Variants in LONRF1 observed in about 807,000 individuals in gnomAD.
LONRF1 encodes LON peptidase N-terminal domain and ring finger 1.
In LONRF1, 37 loss-of-function variants were observed where a neutral mutation model predicts 85.8. That is an observed-to-expected ratio of 0.43 (90% CI 0.33 to 0.57). The LOEUF (loss-of-function observed/expected upper bound fraction) is 0.57, where lower values mean the gene tolerates loss of function less well. LONRF1 is among the 20% of genes least tolerant of loss of function. The pLI is 0.04. For missense variants in LONRF1, 1,036 were observed against 978.0 expected, an observed-to-expected ratio of 1.06 and a Z score of -0.79; for synonymous variants, 517 against 390.1, an observed-to-expected ratio of 1.33 and a Z score of -3.83.
At chr8:12,743,699 C>A (rs1458768365) in intron 1 of LONRF1, among the ~76,000 whole-genome samples, 1 of 151,956 alleles carries the variant, frequency 6.6e-6, no homozygotes, top group Admixed American at 6.6e-5. Context: ...AATAGCCATA[C>A]GTGTAACTAT....
chr8:12,731,608 C>T (rs1243525741), intron 8 of LONRF1, 128 bp downstream of exon 8: 2 of 742,642 alleles, frequency 2.7e-6, no homozygotes, highest in Admixed American at 6.2e-5. Flanking sequence ...TGTTGAGGAC[C>T]ACGGAAACAG....
intron 1 of LONRF1, among the ~76,000 whole-genome samples, chr8:12,744,488 A>C (rs893292495): frequency 3.9e-5 from 6 of 152,224 alleles, no homozygotes; most frequent in Non-Finnish European, 8.8e-5. Flanking sequence ...AAGAATTAAA[A>C]GTTCAATATG....
chr8:12,746,493 T>C (rs1028968417), intron 1 of LONRF1, among the ~76,000 whole-genome samples: 1 of 152,218 alleles, frequency 6.6e-6, no homozygotes, highest in Non-Finnish European at 1.5e-5. Flanking sequence ...CCTCCCAAGA[T>C]GCTTTGCTTT....
At chr8:12,725,602 G>A (rs1798266285) in intron 11 of LONRF1, 125 bp downstream of exon 11, 19 of 863,842 alleles carry the variant, frequency 2.2e-5, no homozygotes, top group Non-Finnish European at 3.4e-5. Context: ...GGTGGGGCTG[G>A]TGCGGGGGAG....
chr8:12,738,170 AG>A (rs1442470383), intron 3 of LONRF1, 26 bp from the exon 4 acceptor site: 1 of 1,375,898 alleles, frequency 7.3e-7, no homozygotes. Context: ...TAAAAGTAGT[AG>A]AAAATATAAA....
At chr8:12,726,348 A>C (rs970972436) in intron 10 of LONRF1, among the ~76,000 whole-genome samples, 1 of 152,210 alleles carries the variant, frequency 6.6e-6, no homozygotes, top group African/African-American at 2.4e-5. Context: ...GCACAGTTAC[A>C]TCTTTTACTA....
At position 12,723,274 on chromosome 8, in the gene LONRF1, T is replaced by G; in HGVS notation, c.2164-20A>C. ...GGCTGCCTAAAAACAATGGACAGTT[T>G]ATAGCATTAATAAAACAAGGATTTA... On this transcript the variant is annotated intron_variant, in intron 11 of 11. Transcript: ENST00000398246. The G allele has an allele frequency of 6.3e-7, 1 of 1,578,900 alleles. No homozygotes were observed. The highest frequency in any genetic ancestry group is 8.6e-7 in the Non-Finnish European group (1 of 1,167,888).
intron 1 of LONRF1, among the ~76,000 whole-genome samples, chr8:12,750,247 C>T (rs537664083): frequency 6.6e-6 from 1 of 152,256 alleles, no homozygotes; most frequent in Admixed American, 6.5e-5. Context: ...ACTATAATCA[C>T]CATACAGACA....
intron 6 of LONRF1, chr8:12,735,719 G>A (rs1196012084): frequency 5.0e-6 from 1 of 200,566 alleles, no homozygotes; most frequent in African/African-American, 2.3e-5. Context: ...TGCACTGAAT[G>A]TAAAATACAT....
At position 12,755,499 on chromosome 8, in the gene LONRF1, C is replaced by G. The variant is rs1025064210; in HGVS notation, c.-79G>C. The G allele has an allele frequency of 1.1e-5, 8 of 743,754 alleles. No individual in the cohort carries two copies. Among genetic ancestry groups the G allele is most frequent in the South Asian group, 6.0e-5 (1 of 16,708 alleles). 46.1% of individuals were successfully genotyped at this position (743,754 alleles called of 1,614,324 possible). On this transcript the variant is annotated 5_prime_UTR_variant, in exon 1 of 12. Transcript: ENST00000398246. ...CGGGCGCGCGGCTCCGCACGCGGCC[C>G]GCGAGCAGGGGGGCGTGGCGCGCGG...
At chr8:12,737,279 C>G (rs756803037) in intron 4 of LONRF1, 139 bp from the exon 5 acceptor site, 1 of 1,032,290 alleles carries the variant, frequency 9.7e-7, no homozygotes, top group Non-Finnish European at 1.5e-6. Context: ...AACTTGATTC[C>G]AACACTGTGA....
chr8:12,740,411 C>T lies in LONRF1; in HGVS notation c.963+463G>A, dbSNP rs140800032. 6.2e-3 allele frequency among the ~76,000 whole-genome samples: 943 copies of T among 152,176 alleles called. 6 individuals are homozygous for T. The highest frequency in any genetic ancestry group is 9.4e-3 in the Non-Finnish European group (641 of 68,004). On this transcript the variant is annotated intron_variant, in intron 3 of 11. Transcript: ENST00000398246. ...ATCTCCTATCTTTAAAAATTAATTA[C>T]TAACACACCACAAATAGAACAAAGT...
At position 12,754,804 on chromosome 8, in the gene LONRF1, G is replaced by A. The variant is rs1161063773; in HGVS notation, c.617C>T (p.Pro206Leu). ...VLNHLAEKWF[P>L]GQRERARAAG... ...CGCCCGGGCCCGCTCGCGCTGGCCC[G>A]GAAACCACTTCTCGGCCAGGTGGTT... is the stretch of plus-strand genomic sequence containing the variant. The change falls in exon 1 of 12, where the codon CCG (proline) becomes CTG (leucine). Residue 206 changes from proline to leucine, a missense_variant. By Grantham distance (98) the Pro-to-Leu change is moderately conservative. Coordinates refer to ENST00000398246, the MANE Select transcript of LONRF1 (RefSeq NM_152271.5). The A allele has an allele frequency of 1.4e-6, 2 of 1,476,886 alleles. No homozygotes were observed. The highest frequency in any genetic ancestry group is 1.3e-5 in the South Asian group (1 of 79,510). The allele number at this position is 1,476,886 out of a possible 1,614,324, so 91.5% of individuals were successfully genotyped here.
Position 12,754,972 on chromosome 8 carries a change from TC to T in LONRF1, c.448del (p.Glu150AsnfsTer96). The T allele has an allele frequency of 6.7e-7, 1 of 1,491,294 alleles. No homozygotes were observed. The highest frequency in any genetic ancestry group is 8.9e-7 in the Non-Finnish European group (1 of 1,126,634). 92.4% of individuals were successfully genotyped at this position (1,491,294 alleles called of 1,614,324 possible). ...GCAGAGGCGGCAGCGGGCGCGGAGT[TC>T]CCTCCGCAGGCAGCGGCGGCAGTAG... ...HSYCRRCLRR[E>X]LRARCRLCRD... On this transcript the variant is annotated frameshift_variant, in exon 1 of 12. Coordinates refer to ENST00000398246, the MANE Select transcript of LONRF1 (RefSeq NM_152271.5). LOFTEE classifies it high-confidence loss of function.
At chr8:12,751,296 G>GTTTTTT (rs869038024) in intron 1 of LONRF1, among the ~76,000 whole-genome samples, 29 of 69,530 alleles carry the variant, frequency 4.2e-4, no homozygotes, top group South Asian at 1.3e-3. Flanking sequence ...TTATTTTTAT[G>GTTTTTT]TTTTTTTTTT....
Position 12,755,141 on chromosome 8 carries a change from C to T in LONRF1, c.280G>A (p.Val94Met). 1 of 1,447,100 alleles carries T rather than the reference C, an allele frequency of 6.9e-7. No homozygotes were observed. Among genetic ancestry groups the T allele is most frequent in the Non-Finnish European group, 9.1e-7 (1 of 1,103,402 alleles). The allele number at this position is 1,447,100 out of a possible 1,614,324, so 89.6% of individuals were successfully genotyped here. ...CCGTGGCGGAGCCGGTAGTTGAACA[C>T]CAGGCAGTCCACCAGGGCGCCCAGG... is the stretch of plus-strand genomic sequence containing the variant. The part of the protein sequence containing the change: ...ECLGALVDCL[V>M]FNYRLRHGLG... The change falls in exon 1 of 12, where the codon GTG (valine) becomes ATG (methionine). Residue 94 changes from valine (V) to methionine (M), a missense_variant. Around this residue, in one of 3 missense-constraint regions of LONRF1, gnomAD observed 742 missense variants for 614.4 expected, o/e 1.21. Transcript: ENST00000398246.
At chr8:12,737,289 A>C in intron 4 of LONRF1, 149 bp from the exon 5 acceptor site, 1 of 990,544 alleles carries the variant, frequency 1.0e-6, no homozygotes, top group South Asian at 1.4e-5. Context: ...CAACACTGTG[A>C]CAAGTAAATG....
At chr8:12,751,962 T>C (rs1038841410) in intron 1 of LONRF1, among the ~76,000 whole-genome samples, 2 of 152,328 alleles carry the variant, frequency 1.3e-5, no homozygotes, top group East Asian at 3.9e-4. Flanking sequence ...TTAAATGTTA[T>C]CTAAATATAT....
At chr8:12,724,907 C>A (rs1428836057) in intron 11 of LONRF1, among the ~76,000 whole-genome samples, 2 of 152,174 alleles carry the variant, frequency 1.3e-5, no homozygotes, top group African/African-American at 4.8e-5. Context: ...TGTAGACCAA[C>A]CCTTGAAAAC....
Sources: gnomAD v4.1 joint callset for allele counts (sites outside exome capture counted in the v4.1 genomes callset) on GRCh38, gnomAD v4.1.1 for gene constraint, gnomAD v4.1.1 regional missense constraint, MANE v1.5 for transcripts, NCBI Gene and HGNC (gene_info 2026-07-23, HGNC 2026-07-21) for gene names.